Variants in EARS2 observed in about 807,000 individuals in gnomAD.
EARS2 encodes nondiscriminating glutamyl-tRNA synthetase EARS2, mitochondrial.
EARS2 carries 50 observed loss-of-function variants against 54.1 expected under a neutral mutation model. The observed-to-expected ratio is 0.92, with a 90% CI of 0.74 to 1.17. The LOEUF (loss-of-function observed/expected upper bound fraction) is 1.17. Ranked by LOEUF, EARS2 falls within the 50% of genes most tolerant of loss-of-function variation. The probability of loss-of-function intolerance (pLI) is 0.00; values close to 1 mark genes in which losing one functional copy is unlikely to be tolerated. For missense variants in EARS2, 673 were observed against 675.0 expected, an observed-to-expected ratio of 1.00 and a Z score of 0.03; for synonymous variants, 298 against 281.0, an observed-to-expected ratio of 1.06 and a Z score of -0.61.
chr16:23,541,504 T>G (rs971463263), intron 3 of EARS2, among the ~76,000 whole-genome samples: 1 of 152,208 alleles, frequency 6.6e-6, no homozygotes, highest in Non-Finnish European at 1.5e-5. Flanking sequence ...CCACATAGCA[T>G]GTACATAGTA....
At chr16:23,549,626 G>A (rs905828087) in intron 2 of EARS2, among the ~76,000 whole-genome samples, 2 of 152,216 alleles carry the variant, frequency 1.3e-5, no homozygotes, top group African/African-American at 4.8e-5. Flanking sequence ...ACTACACCTG[G>A]GTAATTTTTT....
At position 23,552,156 on chromosome 16, in the gene EARS2, C is replaced by G; in HGVS notation, c.288G>C (p.Glu96Asp). 6.2e-7 allele frequency: 1 copy of G among 1,613,844 alleles called. No individual in the cohort carries two copies. The highest frequency in any genetic ancestry group is 8.5e-7 in the Non-Finnish European group (1 of 1,179,810). ...GAAENIEDML[E>D]WAGIPPDESP... Reference sequence around the variant, plus strand: ...TTTCTCTGCCAGGCTTACCTGCCCACTCCAGCATGTCCTCAATATTCTCCG... The same window carrying G: ...TTTCTCTGCCAGGCTTACCTGCCCAGTCCAGCATGTCCTCAATATTCTCCG... Residue 96 changes from glutamate to aspartate, a missense_variant, in exon 2 of 9, where the codon GAG becomes GAC. Transcript: ENST00000449606.
chr16:23,535,190 A>C lies in EARS2; in HGVS notation c.656T>G (p.Ile219Ser), dbSNP rs1426681619. 2 of 1,613,698 alleles carry C rather than the reference A, an allele frequency of 1.2e-6. No homozygotes were observed. Among genetic ancestry groups the C allele is most frequent in the Non-Finnish European group, 1.7e-6 (2 of 1,180,004 alleles). ...TGTGGGGAAGCCGTCGCTCTTCATG[A>C]TGACTGGGTCTCCCTCCACGCTGGC... is the stretch of plus-strand genomic sequence containing the variant. ...EVASVEGDPVIMKSDGFPTYH... is the reference protein window; with the variant it reads ...EVASVEGDPVSMKSDGFPTYH... The change falls in exon 4 of 9, where the codon ATC (isoleucine) becomes AGC (serine). Residue 219 changes from isoleucine to serine, a missense_variant. Ile to Ser is a moderately radical substitution (Grantham distance 142, BLOSUM62 -2). Transcript: ENST00000449606.
rs1965187618 is a variant in EARS2 at position 23,524,327 on chromosome 16, C to T, written c.*44G>A. ...GGTCTCTGAAAGCTGTTTCTAAGCT[C>T]ACAGGTTCTTAGGGCGATCTCCACT... On this transcript the variant is annotated 3_prime_UTR_variant, in exon 9 of 9. Transcript: ENST00000449606. 6.4e-7 allele frequency: 1 copy of T among 1,564,370 alleles called. No homozygotes were observed. Among genetic ancestry groups the T allele is most frequent in the South Asian group, 1.1e-5 (1 of 90,100 alleles).
chr16:23,548,590 CTTTT>C (rs956543442), intron 2 of EARS2, among the ~76,000 whole-genome samples: 1 of 148,588 alleles, frequency 6.7e-6, no homozygotes, highest in East Asian at 2.0e-4. Context: ...CCTGGAAAGC[CTTTT>C]TTTTTTGAGA....
chr16:23,527,066 G>C (rs978446577), intron 7 of EARS2, among the ~76,000 whole-genome samples: 2 of 151,994 alleles, frequency 1.3e-5, no homozygotes, highest in African/African-American at 4.8e-5. Context: ...GGGCTCAAAC[G>C]ATCCTCCCAC....
intron 3 of EARS2, among the ~76,000 whole-genome samples, chr16:23,541,379 TTTG>T (rs1190383583): frequency 2.0e-5 from 3 of 152,068 alleles, no homozygotes; most frequent in Non-Finnish European, 4.4e-5. Context: ...AAAATAAATG[TTTG>T]TTAAGACGAA....
At position 23,522,101 on chromosome 16, in the gene EARS2, T is replaced by A; in HGVS notation, c.*2270A>T. On this transcript the variant is annotated 3_prime_UTR_variant, in exon 9 of 9. Transcript: ENST00000449606. ...CACCTGGGAGAGGGTGAGGCTCATA[T>A]AAGCGCACAATAAATTACAAGTATT... 3.5e-6 allele frequency: 1 copy of A among 287,822 alleles called. No individual in the cohort carries two copies. Among genetic ancestry groups the A allele is most frequent in the Non-Finnish European group, 7.0e-6 (1 of 142,494 alleles). The allele number at this position is 287,822 out of a possible 1,614,324, so 17.8% of individuals were successfully genotyped here.
chr16:23,534,751 TA>T, intron 4 of EARS2, 136 bp downstream of exon 4: 1 of 709,684 alleles, frequency 1.4e-6, no homozygotes, highest in Non-Finnish European at 2.3e-6. Flanking sequence ...ATTTATTGAA[TA>T]AAAGAATAAA....
Position 23,535,325 on chromosome 16 carries a change from T to G in EARS2, c.521A>C (p.Gln174Pro), listed in dbSNP as rs760639806. 6.2e-7 allele frequency: 1 copy of G among 1,601,194 alleles called. No individual in the cohort carries two copies. Among genetic ancestry groups the G allele is most frequent in the Non-Finnish European group, 8.5e-7 (1 of 1,179,960 alleles). ...DNRCRNMSQE[Q>P]VAQKLAKDPK... Reference sequence around the variant, plus strand: ...GTCCTTGGCCAGCTTCTGGGCCACCTGCTCCTGGCTCATGTTCCTGCACCG... The same window carrying G: ...GTCCTTGGCCAGCTTCTGGGCCACCGGCTCCTGGCTCATGTTCCTGCACCG... The change falls in exon 4 of 9, where the codon CAG (glutamine) becomes CCG (proline). Residue 174 changes from glutamine (Q) to proline (P), a missense_variant. By Grantham distance (76) the Gln-to-Pro change is moderately conservative. Transcript: ENST00000449606.
Position 23,521,943 on chromosome 16 carries a change from G to A in EARS2, c.*2428C>T, listed in dbSNP as rs1965147311. ...TGGTTTTGCCTCGTACTATAACCTC[G>A]GAAGTTTTAGTTAACTTTTCAGAAC... On this transcript the variant is annotated 3_prime_UTR_variant, in exon 9 of 9. Transcript: ENST00000449606. 5.2e-6 allele frequency: 2 copies of A among 384,168 alleles called. No individual in the cohort carries two copies. The highest frequency in any genetic ancestry group is 4.2e-5 in the African/African-American group (2 of 47,300). The allele number at this position is 384,168 out of a possible 1,614,324, so 23.8% of individuals were successfully genotyped here. A position where few individuals can be genotyped will look rare whatever the true frequency, so the allele number is the denominator to read the frequency against.
intron 1 of EARS2, among the ~76,000 whole-genome samples, chr16:23,555,986 T>C (rs565551143): frequency 2.0e-4 from 30 of 152,396 alleles, no homozygotes; most frequent in Admixed American, 3.9e-4. Context: ...CAAAATTTTA[T>C]TTTTCTGGTC....
chr16:23,544,920 C>T, intron 2 of EARS2: 1 of 431,536 alleles, frequency 2.3e-6, no homozygotes, highest in Non-Finnish European at 4.1e-6. Flanking sequence ...TAGCTCACTG[C>T]AACCTCCACC....
At chr16:23,547,301 T>C (rs919493771) in intron 2 of EARS2, among the ~76,000 whole-genome samples, 3 of 151,960 alleles carry the variant, frequency 2.0e-5, no homozygotes, top group Non-Finnish European at 4.4e-5. Context: ...AAGAGGCAAA[T>C]CCATGGAGGC....
intron 1 of EARS2, chr16:23,556,847 G>A (rs1478630527): frequency 9.7e-6 from 5 of 517,150 alleles, no homozygotes; most frequent in Admixed American, 7.2e-5. Context: ...AAGTGTCTGC[G>A]GCAGCCACTA....
At chr16:23,552,467 G>A (rs1376081199) in intron 1 of EARS2, among the ~76,000 whole-genome samples, 163 bp from the exon 2 acceptor site, 3 of 152,148 alleles carry the variant, frequency 2.0e-5, no homozygotes, top group Non-Finnish European at 2.9e-5. Flanking sequence ...GGCCAAGGCC[G>A]GGGGGATCAC....
Position 23,521,920 on chromosome 16 carries a change from G to GT in EARS2, c.*2450dup. On this transcript the variant is annotated 3_prime_UTR_variant, in exon 9 of 9. Coordinates refer to ENST00000449606, the MANE Select transcript of EARS2 (RefSeq NM_001083614.2). ...GGCACAGATCTGAGTTTAAATCTTG[G>GT]TTTTGCCTCGTACTATAACCTCGGA... 2.3e-6 allele frequency: 1 copy of GT among 437,086 alleles called. No individual in the cohort carries two copies. Among genetic ancestry groups the GT allele is most frequent in the South Asian group, 1.6e-5 (1 of 63,106 alleles). The allele number at this position is 437,086 out of a possible 1,614,324, so 27.1% of individuals were successfully genotyped here.
chr16:23,526,143 C>T (rs539869973), intron 7 of EARS2, among the ~76,000 whole-genome samples: 27 of 136,734 alleles, frequency 2.0e-4, no homozygotes, highest in African/African-American at 6.8e-4. Flanking sequence ...GATGGAGTCT[C>T]GCTCTGTTGC....
intron 3 of EARS2, among the ~76,000 whole-genome samples, chr16:23,541,011 AAAT>A (rs1965503169): frequency 6.7e-6 from 1 of 150,090 alleles, no homozygotes; most frequent in South Asian, 2.1e-4. Flanking sequence ...ATAAATAAAT[AAAT>A]AACATAAAGG....
Sources: allele counts gnomAD v4.1 joint callset (sites outside exome capture counted in the v4.1 genomes callset), GRCh38; gene constraint gnomAD v4.1.1; transcripts MANE v1.5; gene names NCBI Gene and HGNC (gene_info 2026-07-23, HGNC 2026-07-21).